Variants in KSR1 observed in about 807,000 individuals in gnomAD.
KSR1 encodes the protein kinase suppressor of ras.
Under a neutral mutation model 92.9 loss-of-function variants are expected in KSR1, and 35 were observed. The observed-to-expected ratio is 0.38, with a 90% CI of 0.29 to 0.50. KSR1 has a LOEUF of 0.50. Among genes scored for constraint, KSR1 ranks in the 20% least tolerant of loss-of-function variants. The probability of loss-of-function intolerance (pLI) is 0.94; values close to 1 mark genes in which losing one functional copy is unlikely to be tolerated. For missense variants in KSR1, 972 were observed against 1,158.5 expected (o/e 0.84, Z 2.34); for synonymous variants, 467 against 472.6 (o/e 0.99, Z 0.15).
rs2074321336 is a variant in KSR1, at chr17:27,625,456, C to T, written c.*2064C>T. On this transcript the variant is annotated 3_prime_UTR_variant, in exon 21 of 21. Coordinates refer to ENST00000644974, the MANE Select transcript of KSR1 (RefSeq NM_001394583.1). ...ACCTAGAGATAGGAACAGTCATGGT[C>T]CCTGCTCTTAAGGAACTGATGACCT... The T allele has an allele frequency of 6.6e-6, 1 of 152,248 alleles. No individual in the cohort carries two copies. Among genetic ancestry groups the T allele is most frequent in the South Asian group, 2.1e-4 (1 of 4,832 alleles). 9.4% of individuals were successfully genotyped at this position (152,248 alleles called of 1,614,324 possible). A position where few individuals can be genotyped will look rare whatever the true frequency, so the allele number is the denominator to read the frequency against.
At chr17:27,476,635 G>C (rs1431517009) in intron 1 of KSR1, among the ~76,000 whole-genome samples, 1 of 152,202 alleles carries the variant, frequency 6.6e-6, no homozygotes, top group African/African-American at 2.4e-5. Context: ...GACTCAGAAG[G>C]ACTGAAATGT....
chr17:27,604,839 C>T, intron 13 of KSR1, 111 bp downstream of exon 13: 1 of 1,042,992 alleles, frequency 9.6e-7, no homozygotes, highest in Non-Finnish European at 1.5e-6. Flanking sequence ...TTGGCAAGGG[C>T]TGTCCCAGGC....
In KSR1 at chr17:27,559,926, A is replaced by G. The variant is rs1239293816; in HGVS notation, c.372+9218A>G. Among the ~76,000 whole-genome samples, 1 of 152,176 alleles carries G rather than the reference A, an allele frequency of 6.6e-6. No individual in the cohort carries two copies. Among genetic ancestry groups the G allele is most frequent in the African/African-American group, 2.4e-5 (1 of 41,446 alleles). ...GGGGTTGGGGCTCCTCTTAGGGGAT[A>G]TTGGAAGTGTGTGTGAGAGAGGGGC... On this transcript the variant is annotated intron_variant, in intron 2 of 20. Coordinates refer to ENST00000644974, the MANE Select transcript of KSR1 (RefSeq NM_001394583.1). This position sits in a 1 kb window ranked among gnomAD's most constrained non-coding sequence, Gnocchi z 4.2.
At chr17:27,592,733 G>A (rs2073210699) in intron 9 of KSR1, 107 bp downstream of exon 9, 13 of 873,964 alleles carry the variant, frequency 1.5e-5, no homozygotes, top group South Asian at 6.9e-5. Context: ...TGACACCACC[G>A]TCTCAGATTT....
intron 2 of KSR1, among the ~76,000 whole-genome samples, chr17:27,567,748 A>T (rs1039245197): frequency 2.6e-5 from 4 of 152,262 alleles, no homozygotes; most frequent in Admixed American, 6.5e-5. Context: ...TGCGTGCTGG[A>T]AACTGGCTCG....
chr17:27,622,200 C>T (rs1053577424), intron 20 of KSR1: 3 of 536,924 alleles, frequency 5.6e-6, no homozygotes, highest in African/African-American at 1.9e-5. Flanking sequence ...GTCTGGGCAG[C>T]TTCTAACTAC....
intron 3 of KSR1, among the ~76,000 whole-genome samples, chr17:27,580,462 A>G (rs2072707076): frequency 2.6e-5 from 4 of 152,158 alleles, no homozygotes; most frequent in Non-Finnish European, 5.9e-5. Flanking sequence ...CATCCCCCCT[A>G]TTCTTGAGAA....
At chr17:27,616,507 CAT>C (rs370256839) in intron 18 of KSR1, among the ~76,000 whole-genome samples, 95 of 152,298 alleles carry the variant, frequency 6.2e-4, no homozygotes, top group Admixed American at 2.1e-3. Context: ...CACACACACA[CAT>C]GTACACCCCA....
In KSR1 at chr17:27,615,171, C is replaced by A. The variant is rs371925750; in HGVS notation, c.2494-2124C>A. ...ATCACCTGGGTCTATCAGCTTTTCA[C>A]TCTGGCACTCCGTTATTTCTGCTGC... is the stretch of plus-strand genomic sequence containing the variant. On this transcript the variant is annotated intron_variant, in intron 18 of 20. Transcript: ENST00000644974. 2.6e-3 allele frequency among the ~76,000 whole-genome samples: 390 copies of A among 152,368 alleles called. 17 individuals are homozygous for A. In the South Asian group the frequency reaches 0.076, roughly 30 times the overall value.
intron 2 of KSR1, among the ~76,000 whole-genome samples, chr17:27,557,261 G>C (rs896064973): frequency 6.6e-6 from 1 of 152,220 alleles, no homozygotes; most frequent in Non-Finnish European, 1.5e-5. Context: ...AGACTGCAGA[G>C]ATTGGCACCC....
chr17:27,506,042 G>C (rs2150990102), intron 1 of KSR1, among the ~76,000 whole-genome samples: 1 of 152,276 alleles, frequency 6.6e-6, no homozygotes, highest in South Asian at 2.1e-4. Context: ...CACACCATAA[G>C]AATGTAAAAA....
intron 18 of KSR1, among the ~76,000 whole-genome samples, chr17:27,611,838 C>T (rs147076145): frequency 6.6e-6 from 1 of 152,182 alleles, no homozygotes; most frequent in African/African-American, 2.4e-5. Context: ...CTATCCTCAC[C>T]CCACTGCTCA....
At chr17:27,461,305 T>G (rs2150899604) in intron 1 of KSR1, among the ~76,000 whole-genome samples, 1 of 152,316 alleles carries the variant, frequency 6.6e-6, no homozygotes, top group East Asian at 1.9e-4. Flanking sequence ...GGTCTCGAAC[T>G]CCTGGCCTCA....
intron 1 of KSR1, among the ~76,000 whole-genome samples, chr17:27,504,420 G>A (rs540423110): frequency 1.3e-5 from 2 of 152,166 alleles, no homozygotes; most frequent in Non-Finnish European, 2.9e-5. Flanking sequence ...TTGGGATATG[G>A]GGGGGAGAAG....
At chr17:27,521,509 G>A (rs1360402325) in intron 1 of KSR1, among the ~76,000 whole-genome samples, 3 of 151,954 alleles carry the variant, frequency 2.0e-5, no homozygotes, top group African/African-American at 7.3e-5. Context: ...GTAGCTCACT[G>A]GAGCCCTGAC....
intron 9 of KSR1, among the ~76,000 whole-genome samples, chr17:27,594,031 G>C (rs2073257863): frequency 6.6e-6 from 1 of 152,074 alleles, no homozygotes; most frequent in Non-Finnish European, 1.5e-5. Flanking sequence ...CACCTCCTTG[G>C]GTGCTAGGGT....
Position 27,608,920 on chromosome 17 carries a change from C to T in KSR1, c.2092-276C>T, listed in dbSNP as rs544060721. Among the ~76,000 whole-genome samples the T allele has an allele frequency of 8.1e-4, 124 of 152,170 alleles. 1 individual carries two copies. Among genetic ancestry groups the T allele is most frequent in the Non-Finnish European group, 8.7e-4 (59 of 68,020 alleles). ...CCATCACCCTGTTCACACCTCCTAC[C>T]TTAGCCAAGGTTAACATGGTTGTTT... On this transcript the variant is annotated intron_variant, in intron 15 of 20. Coordinates refer to ENST00000644974, the MANE Select transcript of KSR1 (RefSeq NM_001394583.1).
At chr17:27,511,098 TC>T (rs1379770523) in intron 1 of KSR1, among the ~76,000 whole-genome samples, 8 of 152,322 alleles carry the variant, frequency 5.3e-5, no homozygotes, top group African/African-American at 1.4e-4. Context: ...TCTGTCCACT[TC>T]CTCTGCTGTT....
At chr17:27,518,580 G>T (rs1185669416) in intron 1 of KSR1, among the ~76,000 whole-genome samples, 1 of 152,192 alleles carries the variant, frequency 6.6e-6, no homozygotes, top group Admixed American at 6.5e-5. Context: ...GGGGAGCTCA[G>T]AGCCTGACCT....
Sources: gnomAD v4.1 joint callset for allele counts (sites outside exome capture counted in the v4.1 genomes callset) on GRCh38, gnomAD v4.1.1 for gene constraint, Gnocchi (gnomAD v3.1) non-coding constraint, MANE v1.5 for transcripts, NCBI Gene and HGNC (gene_info 2026-07-23, HGNC 2026-07-21) for gene names.